Variants in TNS1 observed in about 807,000 individuals in gnomAD.
TNS1 encodes the protein tensin-1.
A neutral mutation model predicts 168.6 loss-of-function variants in TNS1; 62 were observed. The observed-to-expected ratio is 0.37, with a 90% CI of 0.30 to 0.45. TNS1 has a LOEUF of 0.45. TNS1 is among the 20% of genes least tolerant of loss of function. The pLI is 1.00. For synonymous variants in TNS1, 934 were observed against 933.2 expected (o/e 1.00, Z -0.02); for missense variants, 2,240 against 2,339.4 (o/e 0.96, Z 0.88).
At chr2:217,930,234 C>T (rs1956251112) in intron 3 of TNS1, among the ~76,000 whole-genome samples, 1 of 152,222 alleles carries the variant, frequency 6.6e-6, no homozygotes, top group Admixed American at 6.5e-5. Flanking sequence ...GCATTCTCAG[C>T]CTAAGGTCAC....
chr2:217,813,295 T>C lies in TNS1; in HGVS notation c.4874A>G (p.His1625Arg), dbSNP rs751282040. ...MQQNKKGDMT[H>R]ELVRHFLIET... ...TATCAGAAAATGCCTGACCAGCTCA[T>C]GGGTCATGTCTCCTGGGACAAAGAG... The change falls in exon 27 of 33, where the codon CAT becomes CGT. Residue 1625 changes from histidine to arginine, a missense_variant. By Grantham distance (29) the His-to-Arg change is conservative. Transcript: ENST00000682258. The surrounding 1 kb of genome is among the most constrained non-coding windows in gnomAD (Gnocchi z 4.0). 12 of 1,589,200 alleles carry C rather than the reference T, an allele frequency of 7.6e-6. No individual in the cohort carries two copies. The South Asian group carries it at 1.4e-4, about 18-fold the overall frequency.
At chr2:217,869,716 T>C (rs1949606492) in intron 18 of TNS1, among the ~76,000 whole-genome samples, 1 of 152,182 alleles carries the variant, frequency 6.6e-6, no homozygotes. Context: ...AAAGGTTGCT[T>C]TGAAAAACTG....
At chr2:218,003,610 AT>A (rs986950198), upstream of TNS1, among the ~76,000 whole-genome samples, 1 of 151,612 alleles carries the variant, frequency 6.6e-6, no homozygotes, top group African/African-American at 2.4e-5. Context: ...TTTCATTCCA[AT>A]TTTTTTCCTA....
At chr2:217,872,710 C>A (rs1949876260) in intron 18 of TNS1, among the ~76,000 whole-genome samples, 1 of 152,210 alleles carries the variant, frequency 6.6e-6, no homozygotes, top group South Asian at 2.1e-4. Flanking sequence ...GCAATGACAA[C>A]CTAAGTCCAC....
chr2:217,857,533 T>C (rs563356263), intron 18 of TNS1, among the ~76,000 whole-genome samples: 1 of 152,258 alleles, frequency 6.6e-6, no homozygotes, highest in Admixed American at 6.5e-5. Flanking sequence ...TGATGATAAA[T>C]GTGTCCCCGG....
chr2:218,025,012 C>T (rs1958839615), intron 1 of TNS1, among the ~76,000 whole-genome samples: 1 of 152,210 alleles, frequency 6.6e-6, no homozygotes, highest in African/African-American at 2.4e-5. Context: ...GGCAGGCAGC[C>T]AGGCTGAGCA....
chr2:218,026,941 G>A (rs1414539334), intron 1 of TNS1, among the ~76,000 whole-genome samples: 1 of 152,248 alleles, frequency 6.6e-6, no homozygotes, highest in Non-Finnish European at 1.5e-5. Context: ...GTGAGCTCTT[G>A]GCTCAGATAC....
chr2:217,883,455 G>T (rs1374482255), intron 16 of TNS1, among the ~76,000 whole-genome samples: 1 of 151,896 alleles, frequency 6.6e-6, no homozygotes, highest in Non-Finnish European at 1.5e-5. Flanking sequence ...TGTAGAGATG[G>T]GGTCTCACTA....
intron 22 of TNS1, among the ~76,000 whole-genome samples, chr2:217,830,177 G>GC (rs1346289456): frequency 1.3e-5 from 2 of 152,176 alleles, no homozygotes; most frequent in African/African-American, 2.4e-5. Flanking sequence ...GCCCCTCGCA[G>GC]CCCCTGTGCC....
chr2:217,840,916 G>T (rs1310771409), intron 19 of TNS1, among the ~76,000 whole-genome samples: 1 of 118,234 alleles, frequency 8.5e-6, no homozygotes, highest in African/African-American at 4.3e-5. Context: ...GCAGAAGTGA[G>T]CTCTGGCTCA....
Position 217,900,496 on chromosome 2 carries a change from G to A in TNS1, c.338C>T (p.Thr113Ile), listed in dbSNP as rs966830830. 2.6e-6 allele frequency: 4 copies of A among 1,535,516 alleles called. No individual in the cohort carries two copies. In the South Asian group the frequency reaches 3.6e-5, roughly 14 times the overall value. ...CTGGAGGTGGGGCTGGACACTCGGG[G>A]TGACCCTGGTGGAGCCCTGGGAAGG... ...SLEDNGSTRV[T>I]PSVQPHLQPI... The change falls in exon 7 of 33, where the codon ACC becomes ATC. Residue 113 changes from threonine (T) to isoleucine (I), a missense_variant. Thr to Ile is a moderately conservative substitution (Grantham distance 89). Transcript: ENST00000682258.
chr2:218,027,449 T>G (rs186808549), intron 1 of TNS1, among the ~76,000 whole-genome samples: 168 of 152,110 alleles, frequency 1.1e-3, no homozygotes, highest in African/African-American at 3.6e-3. Context: ...TGCACCTGAC[T>G]GAAATGGCCT....
At position 217,848,890 on chromosome 2, in the gene TNS1, T is replaced by A; in HGVS notation, c.1627A>T (p.Thr543Ser). The change falls in exon 19 of 33, where the codon ACC (threonine) becomes TCC (serine). Residue 543 changes from threonine to serine, a missense_variant. Transcript: ENST00000682258. ...NSTASTKTDK[T>S]DEPVPGASSA... ...GAGGCCCCGGGGACAGGCTCGTCGGTCTTGTCGGTCTTGGTGGAGGCTGTG... is the reference window on the plus strand; with the variant it reads ...GAGGCCCCGGGGACAGGCTCGTCGGACTTGTCGGTCTTGGTGGAGGCTGTG... 1 of 1,613,988 alleles carries A rather than the reference T, an allele frequency of 6.2e-7. No individual in the cohort carries two copies. Among genetic ancestry groups the A allele is most frequent in the Admixed American group, 1.7e-5 (1 of 59,998 alleles).
chr2:217,839,839 C>T (rs991364475), intron 19 of TNS1, among the ~76,000 whole-genome samples: 1 of 152,188 alleles, frequency 6.6e-6, no homozygotes, highest in African/African-American at 2.4e-5. Context: ...GACAGCATGC[C>T]TGGGGCTCCA....
upstream of TNS1, among the ~76,000 whole-genome samples, chr2:218,007,559 C>CGGGGG (rs796335839): frequency 8.7e-5 from 1 of 11,560 alleles, no homozygotes; most frequent in Admixed American, 1.0e-3. Context: ...CCCTGAGGCT[C>CGGGGG]GGGGGGTGGG....
chr2:217,819,426 G>A (rs939147029), intron 23 of TNS1, among the ~76,000 whole-genome samples: 1 of 152,186 alleles, frequency 6.6e-6, no homozygotes, highest in Non-Finnish European at 1.5e-5. Flanking sequence ...GAGCATTTAA[G>A]CAGAGGCTGA....
chr2:217,860,845 T>A (rs3828288), intron 18 of TNS1, among the ~76,000 whole-genome samples: 77,151 of 151,954 alleles, frequency 0.51, 20,656 homozygotes, highest in African/African-American at 0.69. Context: ...AACCTGAACC[T>A]TACTTTGGAA....
chr2:217,875,742 G>T (rs1950153698), intron 18 of TNS1, among the ~76,000 whole-genome samples: 1 of 152,200 alleles, frequency 6.6e-6, no homozygotes, highest in East Asian at 1.9e-4. Context: ...CCTGGCTCCA[G>T]GCAGAGGCTC....
chr2:217,821,588 C>T, intron 23 of TNS1, 152 bp downstream of exon 23: 1 of 710,854 alleles, frequency 1.4e-6, no homozygotes, highest in Non-Finnish European at 2.1e-6. Context: ...GCCCTCAATG[C>T]ACCTTGATGA....
Sources: allele counts gnomAD v4.1 joint callset (sites outside exome capture counted in the v4.1 genomes callset), GRCh38; gene constraint gnomAD v4.1.1; non-coding constraint Gnocchi (gnomAD v3.1); transcripts MANE v1.5; gene names NCBI Gene and HGNC (gene_info 2026-07-23, HGNC 2026-07-21).